NPAS3: variants seen among roughly 807,000 people sequenced by gnomAD.
NPAS3 encodes neuronal PAS domain protein 3.
A neutral mutation model predicts 73.1 loss-of-function variants in NPAS3; 14 were observed. The ratio of observed to expected loss-of-function variants is 0.19; its 90% CI spans 0.13 to 0.30. The LOEUF (loss-of-function observed/expected upper bound fraction) is 0.30, where lower values mean the gene tolerates loss of function less well. Among genes scored for constraint, NPAS3 ranks in the 10% least tolerant of loss-of-function variants. NPAS3 has a pLI of 1.00. For missense variants in NPAS3, 1,096 were observed against 1,250.0 expected, an observed-to-expected ratio of 0.88 and a Z score of 1.86; for synonymous variants, 620 against 541.5, an observed-to-expected ratio of 1.14 and a Z score of -2.01.
intron 7 of NPAS3, among the ~76,000 whole-genome samples, chr14:33,770,958 T>C (rs2062631816): frequency 6.6e-6 from 1 of 152,184 alleles, no homozygotes; most frequent in Non-Finnish European, 1.5e-5. Flanking sequence ...TGTACTAGGT[T>C]TTAAATCTTT....
chr14:33,533,422 TG>T (rs2140191064), intron 4 of NPAS3, among the ~76,000 whole-genome samples: 1 of 152,292 alleles, frequency 6.6e-6, no homozygotes, highest in African/African-American at 2.4e-5. Flanking sequence ...CAGTGACAGA[TG>T]CTTTTGCTTC....
rs561705083 is a variant in NPAS3 at position 33,215,438 on chromosome 14, G to T, written c.385+12G>T. On this transcript the variant is annotated intron_variant, in intron 3 of 11. Transcript: ENST00000356141. ...CACATCAGTAAAAGGTAAGTTTTAG[G>T]TCACTGTTCAGTCTGAATATGATGG... The T allele has an allele frequency of 6.2e-6, 10 of 1,613,658 alleles. No individual in the cohort carries two copies. In the South Asian group the frequency reaches 1.1e-4, roughly 18 times the overall value.
chr14:33,429,498 A>G (rs950789865), intron 4 of NPAS3, among the ~76,000 whole-genome samples: 3 of 152,182 alleles, frequency 2.0e-5, no homozygotes, highest in African/African-American at 7.2e-5. Flanking sequence ...TTAGCCATCT[A>G]TCTTACAGTT....
intron 4 of NPAS3, among the ~76,000 whole-genome samples, chr14:33,477,245 A>G (rs1385343610): frequency 6.6e-6 from 1 of 151,980 alleles, no homozygotes; most frequent in Non-Finnish European, 1.5e-5. Context: ...TTTTCTCAGA[A>G]CCCTTTTAGT....
chr14:33,504,811 T>C (rs1406295434), intron 4 of NPAS3, among the ~76,000 whole-genome samples: 1 of 151,990 alleles, frequency 6.6e-6, no homozygotes, highest in African/African-American at 2.4e-5. Context: ...GCAATTACAA[T>C]TACTGCTATG....
intron 8 of NPAS3, among the ~76,000 whole-genome samples, 187 bp from the exon 9 acceptor site, chr14:33,778,279 C>T (rs1212254078): frequency 6.6e-6 from 1 of 152,140 alleles, no homozygotes; most frequent in Non-Finnish European, 1.5e-5. Context: ...GCATTTCCTA[C>T]TTTTGAAAAA....
intron 2 of NPAS3, among the ~76,000 whole-genome samples, chr14:33,196,528 C>A (rs537129196): frequency 6.6e-6 from 1 of 152,310 alleles, no homozygotes; most frequent in South Asian, 2.1e-4. Context: ...TAGATTGATG[C>A]CTTGAAAACG....
At chr14:33,479,408 G>A (rs551401583) in intron 4 of NPAS3, among the ~76,000 whole-genome samples, 4 of 152,210 alleles carry the variant, frequency 2.6e-5, no homozygotes, top group African/African-American at 7.2e-5. Flanking sequence ...CCCTAGTGAA[G>A]ACAGGAGGTC....
intron 2 of NPAS3, among the ~76,000 whole-genome samples, chr14:33,080,232 C>T (rs1329840779): frequency 6.6e-5 from 10 of 151,980 alleles, no homozygotes; most frequent in Non-Finnish European, 1.5e-4. Context: ...CTCAGCCTCC[C>T]GAGTAGCTGG....
intron 5 of NPAS3, among the ~76,000 whole-genome samples, chr14:33,587,499 T>A (rs1459129542): frequency 2.6e-5 from 4 of 152,194 alleles, no homozygotes; most frequent in Admixed American, 2.0e-4. Flanking sequence ...ATGGGAATTA[T>A]AGTGGAATCT....
At chr14:33,438,636 C>G (rs1397664847) in intron 4 of NPAS3, among the ~76,000 whole-genome samples, 1 of 152,126 alleles carries the variant, frequency 6.6e-6, no homozygotes, top group Non-Finnish European at 1.5e-5. Flanking sequence ...ATTTTATTAG[C>G]AACGATTCTA....
chr14:33,075,937 TGTTTTTATAACAATTA>T (rs2041643155), intron 2 of NPAS3, among the ~76,000 whole-genome samples: 1 of 152,234 alleles, frequency 6.6e-6, no homozygotes, highest in Non-Finnish European at 1.5e-5. Context: ...TCTATGTGTC[TGTTTTTATAACAATTA>T]GAATTGGCCT....
intron 1 of NPAS3, among the ~76,000 whole-genome samples, chr14:32,973,133 G>A: frequency 6.6e-6 from 1 of 152,096 alleles, no homozygotes; most frequent in East Asian, 1.9e-4. Flanking sequence ...ATTAAGATTT[G>A]AATAAAGGCA....
chr14:32,991,635 G>A (rs905097140), intron 1 of NPAS3, among the ~76,000 whole-genome samples: 12 of 152,114 alleles, frequency 7.9e-5, no homozygotes, highest in Admixed American at 1.3e-4. Flanking sequence ...TTTACTGTCC[G>A]TCTCTTAATT....
At position 33,596,609 on chromosome 14, in the gene NPAS3, A is replaced by G. The variant is rs149594571; in HGVS notation, c.558+36399A>G. Among the ~76,000 whole-genome samples the G allele has an allele frequency of 5.3e-5, 8 of 152,370 alleles. No individual in the cohort carries two copies. The East Asian group carries it at 1.5e-3, about 29-fold the overall frequency. On this transcript the variant is annotated intron_variant, in intron 5 of 11. Transcript: ENST00000356141. The stretch of plus-strand genomic sequence containing the variant: ...TGCTTTAACCAGTTCTGACAACTGC[A>G]TCATAAACTAGACTTATTCTGTTCA...
intron 3 of NPAS3, among the ~76,000 whole-genome samples, chr14:33,351,753 A>C (rs999298210): frequency 1.7e-4 from 26 of 152,190 alleles, no homozygotes; most frequent in African/African-American, 6.0e-4. Context: ...AAATGTTGCT[A>C]TTATTCCAGT....
At chr14:33,591,734 G>A (rs1246929897) in intron 5 of NPAS3, among the ~76,000 whole-genome samples, 2 of 152,154 alleles carry the variant, frequency 1.3e-5, no homozygotes, top group Admixed American at 1.3e-4. Context: ...GTTTACCTAA[G>A]CACAGTCAAA....
At chr14:33,153,485 C>T (rs533172754) in intron 2 of NPAS3, among the ~76,000 whole-genome samples, 1 of 152,172 alleles carries the variant, frequency 6.6e-6, no homozygotes, top group African/African-American at 2.4e-5. Context: ...TCTGGGAGCC[C>T]TGTGGGGGAA....
intron 3 of NPAS3, among the ~76,000 whole-genome samples, chr14:33,232,842 A>G (rs1192588393): frequency 6.6e-6 from 1 of 151,222 alleles, no homozygotes; most frequent in Non-Finnish European, 1.5e-5. Context: ...CAGCCAGTGC[A>G]AAGCAGATAT....
Sources: gnomAD v4.1 joint callset for allele counts (sites outside exome capture counted in the v4.1 genomes callset) on GRCh38, gnomAD v4.1.1 for gene constraint, MANE v1.5 for transcripts, NCBI Gene and HGNC (gene_info 2026-07-23, HGNC 2026-07-21) for gene names.